The following TAFA4 variants were observed in gnomAD, a reference collection of about 807,000 sequenced individuals.
TAFA4 encodes TAFA chemokine like family member 4.
A neutral mutation model predicts 21.1 loss-of-function variants in TAFA4; 20 were observed. The observed-to-expected ratio is 0.95, with a 90% CI of 0.67 to 1.38. TAFA4 has a LOEUF of 1.38. TAFA4 is among the 40% of genes most tolerant of loss of function. TAFA4 has a pLI of 0.00. For synonymous variants in TAFA4, 71 were observed against 67.4 expected, an observed-to-expected ratio of 1.05 and a Z score of -0.26; for missense variants, 211 against 180.9, an observed-to-expected ratio of 1.17 and a Z score of -0.95.
intron 5 of TAFA4, among the ~76,000 whole-genome samples, chr3:68,735,661 T>C (rs1388521686): frequency 2.6e-5 from 4 of 152,028 alleles, no homozygotes; most frequent in Non-Finnish European, 5.9e-5. Flanking sequence ...TTGAGGAAGA[T>C]ACTGAAGACA....
intron 4 of TAFA4, among the ~76,000 whole-genome samples, chr3:68,742,044 AT>A (rs1250278231): frequency 6.6e-6 from 1 of 152,250 alleles, no homozygotes; most frequent in Non-Finnish European, 1.5e-5. Flanking sequence ...AATGGGATTT[AT>A]CCTTGGGCTG....
At chr3:68,758,465 C>A (rs940418356) in intron 3 of TAFA4, among the ~76,000 whole-genome samples, 14 of 152,112 alleles carry the variant, frequency 9.2e-5, no homozygotes, top group Admixed American at 3.9e-4. Flanking sequence ...AGGGGAGTTC[C>A]CCTGCACACA....
chr3:68,916,501 G>C (rs939154298), intron 1 of TAFA4, among the ~76,000 whole-genome samples: 1 of 152,076 alleles, frequency 6.6e-6, no homozygotes, highest in Non-Finnish European at 1.5e-5. Flanking sequence ...CATGTAACTC[G>C]AAGTATTCTG....
chr3:68,825,029 T>C (rs563085191), intron 3 of TAFA4, among the ~76,000 whole-genome samples: 1 of 152,190 alleles, frequency 6.6e-6, no homozygotes, highest in African/African-American at 2.4e-5. Flanking sequence ...GTTTGTTACA[T>C]AGGTAAACAT....
At chr3:68,858,137 G>A (rs1350282047) in intron 3 of TAFA4, among the ~76,000 whole-genome samples, 1 of 152,136 alleles carries the variant, frequency 6.6e-6, no homozygotes. Context: ...CAGCACTTAA[G>A]TCATCTGATT....
At chr3:68,770,942 C>G (rs926232087) in intron 3 of TAFA4, among the ~76,000 whole-genome samples, 3 of 152,184 alleles carry the variant, frequency 2.0e-5, no homozygotes, top group African/African-American at 7.2e-5. Context: ...AGAGGGCACA[C>G]ACACAAGCGG....
chr3:68,844,064 A>AT (rs1559540710), intron 3 of TAFA4, among the ~76,000 whole-genome samples: 3 of 151,888 alleles, frequency 2.0e-5, no homozygotes, highest in South Asian at 2.1e-4. Context: ...CTCTTTTTCT[A>AT]TTTTTTGGAA....
At chr3:68,754,809 C>A (rs993579784) in intron 3 of TAFA4, among the ~76,000 whole-genome samples, 1 of 152,136 alleles carries the variant, frequency 6.6e-6, no homozygotes, top group African/African-American at 2.4e-5. Flanking sequence ...ATGTTCAAAT[C>A]GTCCCATATC....
chr3:68,853,834 CTGTTAT>C (rs374749536), intron 3 of TAFA4, among the ~76,000 whole-genome samples: 43 of 152,186 alleles, frequency 2.8e-4, no homozygotes, highest in African/African-American at 9.9e-4. Context: ...TCAGTTGTTA[CTGTTAT>C]TATTATTGCT....
At chr3:68,790,504 G>A (rs1019039048) in intron 3 of TAFA4, among the ~76,000 whole-genome samples, 7 of 152,248 alleles carry the variant, frequency 4.6e-5, no homozygotes, top group Non-Finnish European at 7.4e-5. Context: ...TAGATAAAGT[G>A]AGAATACTCA....
rs377015454 is a variant in TAFA4 at position 68,930,607 on chromosome 3, T to C, written c.-123+1633A>G. On this transcript the variant is annotated intron_variant, in intron 1 of 5. Transcript: ENST00000295569. ...GAGAATATTGATTAAGAAATGTCCG[T>C]GCATATGAAGAAAGCTTCTTCCACA... is the stretch of plus-strand genomic sequence containing the variant. Among the ~76,000 whole-genome samples the C allele has an allele frequency of 4.9e-4, 74 of 152,336 alleles. 2 individuals carry two copies. The South Asian group carries it at 0.015, about 31-fold the overall frequency.
chr3:68,820,130 G>A (rs1264950047), intron 3 of TAFA4, among the ~76,000 whole-genome samples: 2 of 152,154 alleles, frequency 1.3e-5, no homozygotes, highest in Admixed American at 1.3e-4. Flanking sequence ...CATGTCATTT[G>A]GAATAACACA....
At chr3:68,734,862 C>T (rs986402264) in intron 5 of TAFA4, among the ~76,000 whole-genome samples, 12 of 152,120 alleles carry the variant, frequency 7.9e-5, no homozygotes, top group Non-Finnish European at 1.6e-4. Flanking sequence ...CAGTCTACAT[C>T]CGGGATGTAA....
At chr3:68,753,150 T>C (rs1362371216) in intron 3 of TAFA4, 132 bp from the exon 4 acceptor site, 9 of 789,976 alleles carry the variant, frequency 1.1e-5, no homozygotes, top group Non-Finnish European at 1.8e-5. Context: ...TAACATTTTA[T>C]TTTGATAACA....
At chr3:68,789,863 C>G (rs1019409658) in intron 3 of TAFA4, among the ~76,000 whole-genome samples, 1 of 152,170 alleles carries the variant, frequency 6.6e-6, no homozygotes, top group Non-Finnish European at 1.5e-5. Flanking sequence ...CCGTGGTAAC[C>G]TCTCACCTCT....
chr3:68,896,790 T>C (rs2089794101), intron 1 of TAFA4, among the ~76,000 whole-genome samples: 1 of 152,236 alleles, frequency 6.6e-6, no homozygotes, highest in African/African-American at 2.4e-5. Flanking sequence ...ACACTCCATG[T>C]GGGAGCAAAC....
chr3:68,778,441 C>T (rs1401936343), intron 3 of TAFA4, among the ~76,000 whole-genome samples: 1 of 152,174 alleles, frequency 6.6e-6, no homozygotes, highest in Non-Finnish European at 1.5e-5. Context: ...GACAAGCACG[C>T]AATTACAGTT....
intron 3 of TAFA4, among the ~76,000 whole-genome samples, chr3:68,759,034 C>T (rs1478610064): frequency 6.6e-6 from 1 of 152,180 alleles, no homozygotes; most frequent in East Asian, 1.9e-4. Context: ...ACCAGGAGAG[C>T]CAATGGTGTC....
At chr3:68,834,864 C>G (rs777333796) in intron 3 of TAFA4, among the ~76,000 whole-genome samples, 1 of 152,168 alleles carries the variant, frequency 6.6e-6, no homozygotes, top group African/African-American at 2.4e-5. Flanking sequence ...CACTTCCTGA[C>G]AGGATTACTT....
Sources: gnomAD v4.1 joint callset for allele counts (sites outside exome capture counted in the v4.1 genomes callset) on GRCh38, gnomAD v4.1.1 for gene constraint, MANE v1.5 for transcripts, NCBI Gene and HGNC (gene_info 2026-07-23, HGNC 2026-07-21) for gene names.